The following DCAF1 variants were observed in gnomAD, a reference collection of about 807,000 sequenced individuals.
The protein encoded by DCAF1 is DDB1- and CUL4-associated factor 1.
In DCAF1, 15 loss-of-function variants were observed where a neutral mutation model predicts 128.0. The ratio of observed to expected loss-of-function variants is 0.12; its 90% CI spans 0.08 to 0.18. DCAF1 has a LOEUF of 0.18. Among genes scored for constraint, DCAF1 ranks in the 10% least tolerant of loss-of-function variants. The probability of loss-of-function intolerance (pLI) is 1.00; values close to 1 mark genes in which losing one functional copy is unlikely to be tolerated. For missense variants in DCAF1, 988 were observed against 1,649.5 expected (o/e 0.60, Z 6.95); for synonymous variants, 610 against 603.0 (o/e 1.01, Z -0.17).
At chr3:51,425,402 G>C (rs1224347624) in intron 13 of DCAF1, among the ~76,000 whole-genome samples, 1 of 151,968 alleles carries the variant, frequency 6.6e-6, no homozygotes, top group African/African-American at 2.4e-5. Context: ...AACCTGGGAG[G>C]TGGAGGTTGG....
chr3:51,461,381 A>C (rs1553644471), intron 6 of DCAF1, among the ~76,000 whole-genome samples: 1 of 152,268 alleles, frequency 6.6e-6, no homozygotes, highest in African/African-American at 2.4e-5. Flanking sequence ...CACACCAGTT[A>C]GAATGGCAAT....
Position 51,398,480 on chromosome 3 carries a change from T to G in DCAF1, c.*289A>C. On this transcript the variant is annotated 3_prime_UTR_variant, in exon 25 of 25. Transcript: ENST00000684031. ...TATATTGTGAAATACCCCAGAGACA[T>G]GGTTTTTTTTTCCCCTTGAAAGATA... 1.5e-5 allele frequency: 5 copies of G among 344,620 alleles called. No individual in the cohort carries two copies. The highest frequency in any genetic ancestry group is 2.1e-5 in the Non-Finnish European group (4 of 189,748). The allele number at this position is 344,620 out of a possible 1,614,324, so 21.3% of individuals were successfully genotyped here.
intron 3 of DCAF1, among the ~76,000 whole-genome samples, chr3:51,475,839 C>T (rs1577271902): frequency 6.7e-6 from 1 of 150,330 alleles, no homozygotes; most frequent in Non-Finnish European, 1.5e-5. Context: ...CCAGCCTGGG[C>T]GACAGAGCGA....
intron 24 of DCAF1, among the ~76,000 whole-genome samples, chr3:51,402,074 C>A (rs1049587910): frequency 4.0e-5 from 6 of 151,880 alleles, no homozygotes; most frequent in African/African-American, 1.5e-4. Flanking sequence ...GGATTCATTA[C>A]CATAGTCAGG....
intron 3 of DCAF1, among the ~76,000 whole-genome samples, chr3:51,474,504 C>T (rs1553649704): frequency 3.3e-5 from 5 of 152,092 alleles, no homozygotes; most frequent in Non-Finnish European, 7.4e-5. Flanking sequence ...ATAAGTATTT[C>T]TGCTTTTTCT....
intron 4 of DCAF1, among the ~76,000 whole-genome samples, chr3:51,469,021 T>C (rs6780934): frequency 6.6e-6 from 1 of 152,294 alleles, no homozygotes; most frequent in African/African-American, 2.4e-5. Context: ...AATATTCCTC[T>C]GTAGTCACAA....
chr3:51,478,233 G>A (rs1046563666), intron 3 of DCAF1, among the ~76,000 whole-genome samples: 3 of 152,044 alleles, frequency 2.0e-5, no homozygotes, highest in Non-Finnish European at 2.9e-5. Context: ...TTGAGCTCCT[G>A]AGCTCAAGCA....
At chr3:51,491,480 G>A (rs1440485731) in intron 2 of DCAF1, among the ~76,000 whole-genome samples, 1 of 151,990 alleles carries the variant, frequency 6.6e-6, no homozygotes, top group African/African-American at 2.4e-5. Context: ...TGATAATCCA[G>A]CAATAAGCAC....
At chr3:51,456,757 A>G (rs2107935277) in intron 6 of DCAF1, among the ~76,000 whole-genome samples, 1 of 152,314 alleles carries the variant, frequency 6.6e-6, no homozygotes, top group East Asian at 1.9e-4. Flanking sequence ...TGGTTCACCA[A>G]TATCCGCTAT....
chr3:51,456,986 A>G (rs978066400), intron 6 of DCAF1, among the ~76,000 whole-genome samples: 6 of 152,328 alleles, frequency 3.9e-5, no homozygotes, highest in Non-Finnish European at 7.3e-5. Context: ...AAAAACTGGA[A>G]ACTCTAAAAA....
intron 24 of DCAF1, among the ~76,000 whole-genome samples, chr3:51,402,270 C>G (rs1229021309): frequency 6.6e-6 from 1 of 152,156 alleles, no homozygotes; most frequent in Non-Finnish European, 1.5e-5. Context: ...GGCTCCTCCA[C>G]AAGAGGGCCT....
Position 51,398,329 on chromosome 3 carries a change from G to A in DCAF1, c.*440C>T, listed in dbSNP as rs2089360472. The A allele has an allele frequency of 1.3e-5, 2 of 153,826 alleles. No homozygotes were observed. The highest frequency in any genetic ancestry group is 4.8e-5 in the African/African-American group (2 of 41,400). The allele number at this position is 153,826 out of a possible 1,614,324, so 9.5% of individuals were successfully genotyped here. A position where few individuals can be genotyped will look rare whatever the true frequency, so the allele number is the denominator to read the frequency against. ...TTTCTTCCAAAGAAAATGAAGTGCAGGGACAAGAGACCTGGTGGATATAAG... is the reference window on the plus strand; with the variant it reads ...TTTCTTCCAAAGAAAATGAAGTGCAAGGACAAGAGACCTGGTGGATATAAG... On this transcript the variant is annotated 3_prime_UTR_variant, in exon 25 of 25. Transcript: ENST00000684031.
intron 6 of DCAF1, among the ~76,000 whole-genome samples, chr3:51,447,888 A>C (rs1702028256): frequency 6.6e-6 from 1 of 152,170 alleles, no homozygotes; most frequent in South Asian, 2.1e-4. Context: ...GCAGAGTTGC[A>C]GTGAACCGAC....
intron 2 of DCAF1, among the ~76,000 whole-genome samples, chr3:51,493,229 T>C (rs1459692613): frequency 6.6e-6 from 1 of 151,066 alleles, no homozygotes; most frequent in Non-Finnish European, 1.5e-5. Context: ...GCAGATCTCC[T>C]GAGGTCGGGA....
At chr3:51,471,399 G>A (rs1704731283) in intron 3 of DCAF1, among the ~76,000 whole-genome samples, 1 of 151,588 alleles carries the variant, frequency 6.6e-6, no homozygotes, top group Non-Finnish European at 1.5e-5. Context: ...TAGCCAGGAT[G>A]GTCTCGATCT....
At chr3:51,477,522 A>G (rs1428221855) in intron 3 of DCAF1, among the ~76,000 whole-genome samples, 1 of 151,386 alleles carries the variant, frequency 6.6e-6, no homozygotes, top group Non-Finnish European at 1.5e-5. Flanking sequence ...AGCCACTCAG[A>G]GGGCTGAGGT....
intron 2 of DCAF1, among the ~76,000 whole-genome samples, chr3:51,491,040 GAAA>G (rs56102341): frequency 4.7e-5 from 6 of 128,278 alleles, no homozygotes; most frequent in Non-Finnish European, 6.7e-5. Flanking sequence ...AACAATCTTG[GAAA>G]AAAAAAAAAA....
chr3:51,495,951 A>C (rs536421763), intron 2 of DCAF1, among the ~76,000 whole-genome samples: 165 of 150,722 alleles, frequency 1.1e-3, no homozygotes, highest in African/African-American at 4.0e-3. Flanking sequence ...CCATAACTGC[A>C]CCACTGTACT....
chr3:51,416,341 C>G (rs1268760512), intron 18 of DCAF1, among the ~76,000 whole-genome samples: 1 of 152,116 alleles, frequency 6.6e-6, no homozygotes, highest in Non-Finnish European at 1.5e-5. Flanking sequence ...CTTCAAGGCT[C>G]TGCTTAAACA....
Sources: gnomAD v4.1 joint callset for allele counts (sites outside exome capture counted in the v4.1 genomes callset) on GRCh38, gnomAD v4.1.1 for gene constraint, MANE v1.5 for transcripts, NCBI Gene and HGNC (gene_info 2026-07-23, HGNC 2026-07-21) for gene names.